The following CDKN2A variants were observed in gnomAD, a reference collection of about 807,000 sequenced individuals.
CDKN2A encodes the protein cyclin dependent kinase inhibitor 2A, also known as cyclin-dependent kinase inhibitor 2A.
A neutral mutation model predicts 11.1 loss-of-function variants in CDKN2A; 3 were observed. That is an observed-to-expected ratio of 0.27 (90% CI 0.12 to 0.70). The LOEUF (loss-of-function observed/expected upper bound fraction) is 0.70, where lower values mean the gene tolerates loss of function less well. CDKN2A is among the 30% of genes least tolerant of loss of function. The pLI is 0.77. For missense variants in CDKN2A, 265 were observed against 233.6 expected (o/e 1.13, Z -0.88); for synonymous variants, 122 against 108.1 (o/e 1.13, Z -0.80).
chr9:21,982,214 C>T (rs969115531), intron 2 of CDKN2A, among the ~76,000 whole-genome samples: 1 of 152,110 alleles, frequency 6.6e-6, no homozygotes, highest in Non-Finnish European at 1.5e-5. Flanking sequence ...ATAGTTAAGT[C>T]ACAATTTTCA....
intron 1 of CDKN2A, among the ~76,000 whole-genome samples, chr9:21,973,458 C>CT (rs1489494377): frequency 6.6e-6 from 1 of 152,118 alleles, no homozygotes; most frequent in Non-Finnish European, 1.5e-5. Flanking sequence ...ATCCACTTTT[C>CT]TTTTTCCTTT....
upstream of CDKN2A, among the ~76,000 whole-genome samples, chr9:21,975,513 C>T (rs1444928422): frequency 1.3e-5 from 2 of 151,954 alleles, no homozygotes; most frequent in African/African-American, 4.8e-5. Flanking sequence ...TTCACTAAGT[C>T]AGAAACCCTA....
upstream of CDKN2A, among the ~76,000 whole-genome samples, chr9:21,977,199 G>A (rs1820058540): frequency 6.6e-6 from 1 of 152,150 alleles, no homozygotes; most frequent in Non-Finnish European, 1.5e-5. Context: ...AATTAGCTGT[G>A]TAGCAATGAT....
chr9:21,989,837 G>C (rs1252797095), intron 2 of CDKN2A: 1 of 152,256 alleles, frequency 6.6e-6, no homozygotes, highest in African/African-American at 2.4e-5. Flanking sequence ...TATGATAACG[G>C]ATCACATCGC....
rs864622656 is a variant in CDKN2A, at chr9:21,974,811, C to T, written c.17G>A (p.Gly6Glu). Residue 6 changes from glycine to glutamate, a missense_variant, in exon 1 of 3, where the codon GGG becomes GAG. Physicochemically the swap from Gly to Glu is moderately conservative, Grantham distance 98. Coordinates refer to ENST00000304494, the MANE Select transcript of CDKN2A (RefSeq NM_000077.5). This position sits in a 1 kb window ranked among gnomAD's most constrained non-coding sequence, Gnocchi z 5.2. Reference protein sequence around the residue: MEPAAGSSMEPSADWL... With the variant: MEPAAESSMEPSADWL... ...GTCAGCCGAAGGCTCCATGCTGCTC[C>T]CCGCCGCCGGCTCCATGCTGCTCCC... 2 of 1,601,878 alleles carry T rather than the reference C, an allele frequency of 1.2e-6. No homozygotes were observed. Among genetic ancestry groups the T allele is most frequent in the Non-Finnish European group, 1.7e-6 (2 of 1,177,506 alleles).
At chr9:21,993,688 T>C (rs1820494817) in intron 2 of CDKN2A, among the ~76,000 whole-genome samples, 1 of 151,970 alleles carries the variant, frequency 6.6e-6, no homozygotes, top group Non-Finnish European at 1.5e-5. Context: ...TGGGAGAGGG[T>C]GACCCCGCCG....
rs764362225 is a variant in CDKN2A, at chr9:21,974,777, G to T, written c.51C>A (p.Ala17=). Residue 17 remains alanine, a synonymous_variant, in exon 1 of 3, where the codon GCC becomes GCA. Transcript: ENST00000304494. The surrounding 1 kb of genome is among the most constrained non-coding windows in gnomAD (Gnocchi z 5.2). ...SSMEPSADWL[A]TAAARGRVEE... is the part of the protein sequence containing the mutation. ...CTACCCGACCCCGGGCCGCGGCCGT[G>T]GCCAGCCAGTCAGCCGAAGGCTCCA... is the stretch of plus-strand genomic sequence containing the variant. 37 of 1,606,690 alleles carry T rather than the reference G, an allele frequency of 2.3e-5. 1 individual carries two copies. The East Asian group carries it at 8.3e-4, about 36-fold the overall frequency.
exon 2 of CDKN2A, chr9:21,994,032 C>T: frequency 5.6e-6 from 7 of 1,260,464 alleles, no homozygotes; most frequent in Non-Finnish European, 7.8e-6. Context: ...CGGCGGTTAT[C>T]TCCTCCTCCT....
At chr9:21,970,041 A>G (rs527579171) in intron 2 of CDKN2A, among the ~76,000 whole-genome samples, 2 of 152,166 alleles carry the variant, frequency 1.3e-5, no homozygotes, top group East Asian at 3.9e-4. Flanking sequence ...ATTCGTGTTA[A>G]TTCCCGTGTA....
At chr9:21,974,935 C>G (rs906120178), upstream of CDKN2A, 7 of 1,424,698 alleles carry the variant, frequency 4.9e-6, no homozygotes, top group Non-Finnish European at 5.5e-6. This position sits in a 1 kb window ranked among gnomAD's most constrained non-coding sequence, Gnocchi z 5.2. Context: ...TTTCTTCCTC[C>G]GGTGCTGGCG....
rs1379434249 is a variant in CDKN2A, at chr9:21,991,289, T to A, written c.-4+2593A>T. Among the ~76,000 whole-genome samples, 1 of 150,974 alleles carries A rather than the reference T, an allele frequency of 6.6e-6. No homozygotes were observed. On this transcript the variant is annotated intron_variant, in intron 2 of 3. Transcript: ENST00000494262. This position sits in a 1 kb window ranked among gnomAD's most constrained non-coding sequence, Gnocchi z 5.2. ...CAAATTCATACACTTTCTTAAAGTATCATGAGTTTTTTTTTTTTTTTAAGC... is the reference window on the plus strand; with the variant it reads ...CAAATTCATACACTTTCTTAAAGTAACATGAGTTTTTTTTTTTTTTTAAGC...
At chr9:21,969,259 G>A (rs1041239321) in intron 2 of CDKN2A, among the ~76,000 whole-genome samples, 1 of 152,166 alleles carries the variant, frequency 6.6e-6, no homozygotes, top group African/African-American at 2.4e-5. Context: ...GTCGTGGCGT[G>A]CACCTGTGGT....
upstream of CDKN2A, among the ~76,000 whole-genome samples, chr9:21,979,552 T>C (rs1820126110): frequency 6.6e-6 from 1 of 152,192 alleles, no homozygotes; most frequent in African/African-American, 2.4e-5. Flanking sequence ...GCGGTGGTTA[T>C]AGATTTTGTC....
At chr9:21,994,108 G>A in intron 1 of CDKN2A, 1 of 1,593,228 alleles carries the variant, frequency 6.3e-7, no homozygotes, top group Middle Eastern at 1.7e-4. Flanking sequence ...AGTGCCGAAT[G>A]CGCCCCGGAC....
exon 2 of CDKN2A, chr9:21,993,985 G>T: frequency 2.5e-6 from 2 of 807,274 alleles, no homozygotes; most frequent in Non-Finnish European, 4.1e-6. Flanking sequence ...AGAACCACAT[G>T]TCTAAGTCGT....
At chr9:21,993,957 A>C (rs1488909375) in exon 2 of CDKN2A, 3 of 695,814 alleles carry the variant, frequency 4.3e-6, no homozygotes, top group Non-Finnish European at 7.5e-6. Context: ...AGGGAGGTCC[A>C]GGTTCAATGG....
upstream of CDKN2A, chr9:21,974,904 G>C (rs1819974705): frequency 6.9e-7 from 1 of 1,445,934 alleles, no homozygotes; most frequent in Non-Finnish European, 9.0e-7. This position sits in a 1 kb window ranked among gnomAD's most constrained non-coding sequence, Gnocchi z 5.2. Flanking sequence ...CCACCCTCTG[G>C]TGACCAGCCA....
chr9:21,978,474 T>A (rs971948050), upstream of CDKN2A, among the ~76,000 whole-genome samples: 2 of 152,164 alleles, frequency 1.3e-5, no homozygotes, highest in Non-Finnish European at 2.9e-5. Flanking sequence ...AAAATGGGAT[T>A]ATAATATATT....
At position 21,974,427 on chromosome 9, in the gene CDKN2A, C is replaced by T. The variant is rs762876108; in HGVS notation, c.150+251G>A. On this transcript the variant is annotated intron_variant, in intron 1 of 2. Coordinates refer to ENST00000304494, the MANE Select transcript of CDKN2A (RefSeq NM_000077.5). The surrounding 1 kb of genome is among the most constrained non-coding windows in gnomAD (Gnocchi z 5.2). ...ACTTCCATCTAATACAAATATGTTC[C>T]CCCCTTCAGATCTTCTCAGCATTCG... 1 of 1,607,908 alleles carries T rather than the reference C, an allele frequency of 6.2e-7. No individual in the cohort carries two copies. The highest frequency in any genetic ancestry group is 8.5e-7 in the Non-Finnish European group (1 of 1,176,558).
Sources: gnomAD v4.1 joint callset for allele counts (sites outside exome capture counted in the v4.1 genomes callset) on GRCh38, gnomAD v4.1.1 for gene constraint, Gnocchi (gnomAD v3.1) non-coding constraint, MANE v1.5 for transcripts, NCBI Gene and HGNC (gene_info 2026-07-23, HGNC 2026-07-21) for gene names.